The following SNTG2 variants were observed in gnomAD, a reference collection of about 807,000 sequenced individuals.
SNTG2 encodes the protein gamma-2-syntrophin.
In SNTG2, 74 loss-of-function variants were observed where a neutral mutation model predicts 70.9. That is an observed-to-expected ratio of 1.04 (90% CI 0.86 to 1.27). The LOEUF (loss-of-function observed/expected upper bound fraction) is 1.27. SNTG2 is among the 50% of genes most tolerant of loss of function. SNTG2 has a pLI of 0.00. For missense variants in SNTG2, 717 were observed against 690.7 expected, an observed-to-expected ratio of 1.04 and a Z score of -0.43; for synonymous variants, 278 against 273.8, an observed-to-expected ratio of 1.02 and a Z score of -0.15.
At position 1,222,023 on chromosome 2, in the gene SNTG2, CTCTGCCTA is replaced by C. The variant is rs1331446734; in HGVS notation, c.719+12797_719+12804del. Reference sequence around the variant, plus strand: ...TCTGTCTCTCTCTGTCTCTCTCTGTCTCTGCCTATCTCTGTCTCTCTCTGTCTCTCTCT... The same window carrying C: ...TCTGTCTCTCTCTGTCTCTCTCTGTCTCTCTGTCTCTCTCTGTCTCTCTCT... On this transcript the variant is annotated intron_variant, in intron 9 of 16. Coordinates refer to ENST00000308624, the MANE Select transcript of SNTG2 (RefSeq NM_018968.4). Among the ~76,000 whole-genome samples the C allele has an allele frequency of 8.2e-5, 7 of 85,046 alleles. 1 individual carries two copies. Among genetic ancestry groups the C allele is most frequent in the Admixed American group, 5.1e-4 (4 of 7,820 alleles). 55.8% of individuals were successfully genotyped at this position (85,046 alleles called of 152,430 possible).
chr2:1,006,280 G>A (rs1286256654), intron 1 of SNTG2, among the ~76,000 whole-genome samples: 2 of 150,998 alleles, frequency 1.3e-5, no homozygotes, highest in Non-Finnish European at 2.9e-5. Flanking sequence ...CCTGCACAAT[G>A]TGCACATGTA....
chr2:1,331,857 C>T (rs1024280551), intron 16 of SNTG2, among the ~76,000 whole-genome samples: 1 of 152,222 alleles, frequency 6.6e-6, no homozygotes, highest in Non-Finnish European at 1.5e-5. Context: ...CAGAAAAATG[C>T]ACACTCCTGG....
chr2:1,132,273 A>C (rs184449615), intron 4 of SNTG2, among the ~76,000 whole-genome samples: 1 of 152,120 alleles, frequency 6.6e-6, no homozygotes, highest in Admixed American at 6.5e-5. Flanking sequence ...ATACATACAC[A>C]CATACATGCA....
intron 1 of SNTG2, among the ~76,000 whole-genome samples, chr2:992,836 G>A (rs1661547068): frequency 6.6e-6 from 1 of 152,076 alleles, no homozygotes; most frequent in Admixed American, 6.5e-5. Context: ...TTCACCAAAA[G>A]TCTGCAGTTC....
intron 4 of SNTG2, among the ~76,000 whole-genome samples, chr2:1,114,408 C>A (rs1666777960): frequency 6.6e-6 from 1 of 151,352 alleles, no homozygotes; most frequent in Non-Finnish European, 1.5e-5. Flanking sequence ...TGAGGAGAAT[C>A]ATGTGTACTA....
chr2:1,158,875 T>G (rs1046172643), intron 6 of SNTG2, among the ~76,000 whole-genome samples: 1 of 152,158 alleles, frequency 6.6e-6, no homozygotes, highest in African/African-American at 2.4e-5. Flanking sequence ...GAATGGTAGT[T>G]GGGTGCTTGA....
rs1661308170 is a variant in SNTG2, at chr2:1,039,437, T to A, written c.73-44081T>A. Among the ~76,000 whole-genome samples the A allele has an allele frequency of 2.0e-5, 3 of 152,216 alleles. No homozygotes were observed. The South Asian group carries it at 6.2e-4, about 32-fold the overall frequency. ...GCCATTTTGTTAAAAAGTCTTTTGA[T>A]CTTTGTGACTTATTTCAGCATTCCA... On this transcript the variant is annotated intron_variant, in intron 1 of 16. Transcript: ENST00000308624.
chr2:1,352,736 G>A (rs1269223815), intron 16 of SNTG2, among the ~76,000 whole-genome samples: 1 of 152,184 alleles, frequency 6.6e-6, no homozygotes, highest in Non-Finnish European at 1.5e-5. Context: ...TGCCAGTCTT[G>A]CAACACATTG....
chr2:1,231,186 C>A (rs1220324663), intron 9 of SNTG2, among the ~76,000 whole-genome samples: 1 of 149,622 alleles, frequency 6.7e-6, no homozygotes, highest in African/African-American at 2.5e-5. Context: ...TCCATAGGGT[C>A]ACTGCGAGGG....
intron 9 of SNTG2, among the ~76,000 whole-genome samples, chr2:1,217,853 G>T (rs1025343483): frequency 6.6e-6 from 1 of 152,118 alleles, no homozygotes; most frequent in African/African-American, 2.4e-5. Context: ...TAACAAACCT[G>T]TGCAAACTTA....
intron 10 of SNTG2, among the ~76,000 whole-genome samples, chr2:1,238,798 C>A (rs57423707): frequency 0.33 from 50,418 of 152,010 alleles, 10,256 homozygotes; most frequent in African/African-American, 0.58. Flanking sequence ...AGCCTGGAGG[C>A]TGCAGAGGCT....
chr2:1,215,277 CTTCAA>C lies in SNTG2; in HGVS notation c.719+6050_719+6054del, dbSNP rs201023310. ...GGTGAGTTTGGAAGTGTTCCCTACT[CTTCAA>C]TTTTTTGTGAAGAATTTAAGAAGAA... On this transcript the variant is annotated intron_variant, in intron 9 of 16. Transcript: ENST00000308624. 9.1e-3 allele frequency among the ~76,000 whole-genome samples: 1,387 copies of C among 152,270 alleles called. 4 individuals are homozygous for C. Among genetic ancestry groups the C allele is most frequent in the Non-Finnish European group, 0.014 (947 of 68,016 alleles).
At chr2:1,213,895 C>T (rs1418392545) in intron 9 of SNTG2, among the ~76,000 whole-genome samples, 1 of 150,286 alleles carries the variant, frequency 6.7e-6, no homozygotes, top group Non-Finnish European at 1.5e-5. Flanking sequence ...TCAGGTCTTA[C>T]ATTTAACTCC....
intron 4 of SNTG2, among the ~76,000 whole-genome samples, chr2:1,135,597 CTG>C: frequency 6.6e-6 from 1 of 152,266 alleles, no homozygotes. Context: ...TGGTGCATGT[CTG>C]TAATCCCAGC....
intron 16 of SNTG2, among the ~76,000 whole-genome samples, chr2:1,366,531 C>T (rs890838466): frequency 6.6e-6 from 1 of 152,110 alleles, no homozygotes; most frequent in Non-Finnish European, 1.5e-5. Context: ...GGTAAGGATC[C>T]AGGAGTTTGT....
chr2:1,080,302 G>C (rs1664201780), intron 1 of SNTG2, among the ~76,000 whole-genome samples: 1 of 152,192 alleles, frequency 6.6e-6, no homozygotes, highest in Non-Finnish European at 1.5e-5. Flanking sequence ...TATGCACTCA[G>C]AGTGAGTGCG....
Position 1,247,357 on chromosome 2 carries a change from CT to C in SNTG2, c.920del (p.Leu307ProfsTer15). 6.2e-7 allele frequency: 1 copy of C among 1,613,860 alleles called. No homozygotes were observed. The highest frequency in any genetic ancestry group is 8.5e-7 in the Non-Finnish European group (1 of 1,179,804). On this transcript the variant is annotated frameshift_variant, in exon 12 of 17. Coordinates refer to ENST00000308624, the MANE Select transcript of SNTG2 (RefSeq NM_018968.4). LOFTEE classifies it high-confidence loss of function. ...VVHMGWVNEK[L>X]QGADSSQTFR... is the part of the protein sequence containing the mutation. Reference sequence around the variant, plus strand: ...GCATATGGGGTGGGTAAATGAGAAACTCCAAGGAGCTGACTCCTCTCAAACC... The same window carrying C: ...GCATATGGGGTGGGTAAATGAGAAACCCAAGGAGCTGACTCCTCTCAAACC...
chr2:977,190 A>G (rs947679515), intron 1 of SNTG2, among the ~76,000 whole-genome samples: 8 of 152,256 alleles, frequency 5.3e-5, no homozygotes, highest in African/African-American at 9.6e-5. Flanking sequence ...GTAAGTATAT[A>G]TAATCCAGAG....
chr2:970,727 A>C (rs1384552092), intron 1 of SNTG2, among the ~76,000 whole-genome samples: 1 of 150,530 alleles, frequency 6.6e-6, no homozygotes, highest in African/African-American at 2.5e-5. Flanking sequence ...CACAATAAAC[A>C]TACGTGTGCA....
Sources: gnomAD v4.1 joint callset for allele counts (sites outside exome capture counted in the v4.1 genomes callset) on GRCh38, gnomAD v4.1.1 for gene constraint, MANE v1.5 for transcripts, NCBI Gene and HGNC (gene_info 2026-07-23, HGNC 2026-07-21) for gene names.